MCC: variants seen among roughly 807,000 people sequenced by gnomAD.
MCC encodes colorectal mutant cancer protein.
Under a neutral mutation model 116.2 loss-of-function variants are expected in MCC, and 90 were observed. The ratio of observed to expected loss-of-function variants is 0.77; its 90% CI spans 0.65 to 0.92. The LOEUF (loss-of-function observed/expected upper bound fraction) is 0.92. MCC is among the 40% of genes least tolerant of loss of function. The pLI, the probability that MCC is intolerant of heterozygous loss-of-function variation, is 0.00. For missense variants in MCC, 1,516 were observed against 1,312.2 expected, an observed-to-expected ratio of 1.16 and a Z score of -2.40; for synonymous variants, 578 against 510.5, an observed-to-expected ratio of 1.13 and a Z score of -1.78.
chr5:113,454,752 G>A (rs964544335), intron 1 of MCC, among the ~76,000 whole-genome samples: 1 of 151,956 alleles, frequency 6.6e-6, no homozygotes, highest in Non-Finnish European at 1.5e-5. Context: ...TATATGGAGG[G>A]GAAAATCAAT....
chr5:113,462,345 T>A (rs747015313), intron 1 of MCC, among the ~76,000 whole-genome samples: 6 of 152,216 alleles, frequency 3.9e-5, no homozygotes, highest in Non-Finnish European at 8.8e-5. Flanking sequence ...GCTGCTTGTT[T>A]CATAGTTCCC....
intron 3 of MCC, among the ~76,000 whole-genome samples, chr5:113,216,136 T>C: frequency 6.6e-6 from 1 of 152,218 alleles, no homozygotes; most frequent in East Asian, 1.9e-4. Flanking sequence ...CTATGGTTGC[T>C]TTTGCTGCAA....
chr5:113,340,745 A>C lies in MCC; in HGVS notation c.416-15T>G. 6.2e-7 allele frequency: 1 copy of C among 1,609,522 alleles called. No individual in the cohort carries two copies. The highest frequency in any genetic ancestry group is 8.5e-7 in the Non-Finnish European group (1 of 1,177,634). On this transcript the variant is annotated splice_polypyrimidine_tract_variant and intron_variant, in intron 2 of 18. Coordinates refer to ENST00000408903, the MANE Select transcript of MCC (RefSeq NM_001085377.2). ...TGATAAGGCACCTAAGTCCGAGAGA[A>C]GCAGAGAAAATGAAAAGACATTTCC...
chr5:113,332,851 T>C (rs1016271313), intron 3 of MCC, among the ~76,000 whole-genome samples: 1 of 151,660 alleles, frequency 6.6e-6, no homozygotes, highest in Non-Finnish European at 1.5e-5. Flanking sequence ...CTACACCTCC[T>C]GAAATATCAG....
intron 2 of MCC, among the ~76,000 whole-genome samples, chr5:113,365,416 A>T (rs1014596322): frequency 6.6e-6 from 1 of 152,118 alleles, no homozygotes; most frequent in African/African-American, 2.4e-5. Context: ...AGACCTTATT[A>T]CCCTGGACTT....
chr5:113,046,710 A>AAAAAAAAG lies in MCC; in HGVS notation c.2655+2382_2655+2383insCTTTTTTT. On this transcript the variant is annotated intron_variant, in intron 16 of 18. Transcript: ENST00000408903. Reference sequence around the variant, plus strand: ...CAAAAAAAAAAAAAAAAAAAAAAAAAAGAGAGAGATTTTGAAGGTGTTTGT... The same window carrying AAAAAAAAG: ...CAAAAAAAAAAAAAAAAAAAAAAAAAAAAAAAAGAGAGAGAGATTTTGAAGGTGTTTGT... Among the ~76,000 whole-genome samples the AAAAAAAAG allele has an allele frequency of 2.1e-4, 22 of 102,410 alleles. 3 individuals are homozygous for AAAAAAAAG. The highest frequency in any genetic ancestry group is 6.4e-4 in the African/African-American group (16 of 25,026). 67.2% of individuals were successfully genotyped at this position (102,410 alleles called of 152,430 possible). A position where few individuals can be genotyped will look rare whatever the true frequency, so the allele number is the denominator to read the frequency against.
At position 113,317,957 on chromosome 5, in the gene MCC, C is replaced by T. The variant is rs561516411; in HGVS notation, c.627+22562G>A. On this transcript the variant is annotated intron_variant, in intron 3 of 18. Coordinates refer to ENST00000408903, the MANE Select transcript of MCC (RefSeq NM_001085377.2). ...AAGATTTCACATAGTTTAAATATCA[C>T]AAGATGCAGAGGGAGACCTAAATGC... is the stretch of plus-strand genomic sequence containing the variant. 4.6e-5 allele frequency among the ~76,000 whole-genome samples: 7 copies of T among 152,220 alleles called. 1 individual carries two copies. In the South Asian group the frequency reaches 1.5e-3, roughly 32 times the overall value.
rs552514059 is a variant in MCC, at chr5:113,112,028, A to T, written c.1028-7673T>A. Among the ~76,000 whole-genome samples the T allele has an allele frequency of 3.3e-5, 5 of 152,346 alleles. 1 individual carries two copies. Among genetic ancestry groups the T allele is most frequent in the African/African-American group, 1.2e-4 (5 of 41,580 alleles). ...AAAAATCCTAACTCAAATAAAGGGCAGCTCCAACAGGTGAGATGTTACAAA... is the reference window on the plus strand; with the variant it reads ...AAAAATCCTAACTCAAATAAAGGGCTGCTCCAACAGGTGAGATGTTACAAA... On this transcript the variant is annotated intron_variant, in intron 6 of 18. Coordinates refer to ENST00000408903, the MANE Select transcript of MCC (RefSeq NM_001085377.2).
intron 6 of MCC, among the ~76,000 whole-genome samples, chr5:113,106,858 T>C (rs907049840): frequency 6.6e-6 from 1 of 152,178 alleles, no homozygotes. Flanking sequence ...GCCAACCAAA[T>C]TTCTACATAT....
At chr5:113,372,334 C>A (rs1768855169) in intron 2 of MCC, among the ~76,000 whole-genome samples, 1 of 152,184 alleles carries the variant, frequency 6.6e-6, no homozygotes, top group Admixed American at 6.5e-5. Context: ...GCAAGTAAGA[C>A]TGAACCAGTT....
chr5:113,077,569 T>G (rs6886789), intron 11 of MCC, among the ~76,000 whole-genome samples: 1 of 151,768 alleles, frequency 6.6e-6, no homozygotes, highest in African/African-American at 2.4e-5. Flanking sequence ...GGGTACATAA[T>G]GAAATGAAGG....
At chr5:113,397,127 T>G (rs72797942) in intron 1 of MCC, among the ~76,000 whole-genome samples, 1 of 152,302 alleles carries the variant, frequency 6.6e-6, no homozygotes, top group Non-Finnish European at 1.5e-5. Flanking sequence ...CATGTGATAA[T>G]AACATGAAGA....
chr5:113,364,238 G>GAAAAAAAGAAAAAAAAAAAAAAACAA (rs1768625980), intron 2 of MCC, among the ~76,000 whole-genome samples: 1 of 49,422 alleles, frequency 2.0e-5, no homozygotes, highest in African/African-American at 7.5e-5. Flanking sequence ...CTCAAAAACA[G>GAAAAAAAGAAAAAAAAAAAAAAACAA]AAAAAAAAAA....
At chr5:113,084,707 G>C (rs1368411371) in intron 9 of MCC, among the ~76,000 whole-genome samples, 1 of 152,148 alleles carries the variant, frequency 6.6e-6, no homozygotes, top group African/African-American at 2.4e-5. Context: ...TGAGTCAGTG[G>C]GGCTACTTCT....
chr5:113,487,522 C>T (rs777239046), intron 1 of MCC, among the ~76,000 whole-genome samples: 2 of 152,226 alleles, frequency 1.3e-5, no homozygotes, highest in Non-Finnish European at 2.9e-5. Context: ...TGCGGGGGAT[C>T]CGAAGCAAAC....
chr5:113,488,407 G>A lies in MCC; in HGVS notation c.8C>T (p.Ala3Val), dbSNP rs768236276. The change falls in exon 1 of 19, where the codon GCG becomes GTG. Residue 3 changes from alanine (A) to valine (V), a missense_variant. Physicochemically the swap from Ala to Val is moderately conservative, Grantham distance 64 (BLOSUM62 0). Coordinates refer to ENST00000408903, the MANE Select transcript of MCC (RefSeq NM_001085377.2). ...CCCCGCAGCCGCTGCCGCCGCGGCC[G>A]CCATCATGCGCCCGCTCCCTACTTG... MM[A>V]AAAAAAAGSS... 5.7e-6 allele frequency: 8 copies of A among 1,395,414 alleles called. No individual in the cohort carries two copies. Among genetic ancestry groups the A allele is most frequent in the East Asian group, 3.0e-5 (1 of 32,906 alleles). 86.4% of individuals were successfully genotyped at this position (1,395,414 alleles called of 1,614,324 possible). A position where few individuals can be genotyped will look rare whatever the true frequency, so the allele number is the denominator to read the frequency against.
rs1209977591 is a variant in MCC, at chr5:113,385,143, C to T, written c.240G>A (p.Leu80=). ...EESVAEIMNQ[L]GADENGKISF... is the part of the protein sequence containing the mutation. ...AAATCTTCCCATTTTCATCTGCTCCCAACTGGTTCATGATCTCAGCCACAG... is the reference window on the plus strand; with the variant it reads ...AAATCTTCCCATTTTCATCTGCTCCTAACTGGTTCATGATCTCAGCCACAG... The change falls in exon 2 of 19, where the codon TTG becomes TTA. Residue 80 remains leucine, a synonymous_variant. Transcript: ENST00000408903. 1 of 1,614,176 alleles carries T rather than the reference C, an allele frequency of 6.2e-7. No homozygotes were observed. The highest frequency in any genetic ancestry group is 1.1e-5 in the South Asian group (1 of 91,076).
intron 16 of MCC, among the ~76,000 whole-genome samples, chr5:113,046,710 A>AAAAAAAAAAAAAAACAG: frequency 9.8e-6 from 1 of 102,410 alleles, no homozygotes; most frequent in Admixed American, 9.9e-5. Flanking sequence ...AAAAAAAAAA[A>AAAAAAAAAAAAAAACAG]AGAGAGAGAT....
intron 3 of MCC, among the ~76,000 whole-genome samples, chr5:113,200,275 A>ATT (rs1383468385): frequency 6.6e-6 from 1 of 152,186 alleles, no homozygotes; most frequent in African/African-American, 2.4e-5. Flanking sequence ...AACATCATGA[A>ATT]TTTGAAATTA....
Sources: allele counts gnomAD v4.1 joint callset (sites outside exome capture counted in the v4.1 genomes callset), GRCh38; gene constraint gnomAD v4.1.1; transcripts MANE v1.5; gene names NCBI Gene and HGNC (gene_info 2026-07-23, HGNC 2026-07-21).